The following STAT4 variants were observed in gnomAD, a reference collection of about 807,000 sequenced individuals.
STAT4 encodes signal transducer and activator of transcription 4.
STAT4 carries 42 observed loss-of-function variants against 110.5 expected under a neutral mutation model. That is an observed-to-expected ratio of 0.38 (90% CI 0.30 to 0.49). STAT4 has a LOEUF of 0.49. Ranked by LOEUF, STAT4 falls within the 20% of genes least tolerant of loss-of-function variation. The pLI is 0.95. For missense variants in STAT4, 632 were observed against 887.9 expected, an observed-to-expected ratio of 0.71 and a Z score of 3.66; for synonymous variants, 284 against 302.2, an observed-to-expected ratio of 0.94 and a Z score of 0.63.
In STAT4 at chr2:191,033,623, A is replaced by G; in HGVS notation, c.1719T>C (p.Tyr573=). 2 of 1,609,504 alleles carry G rather than the reference A, an allele frequency of 1.2e-6. No individual in the cohort carries two copies. The highest frequency in any genetic ancestry group is 1.7e-6 in the Non-Finnish European group (2 of 1,178,794). Residue 573 remains tyrosine, a synonymous_variant, in exon 20 of 24, where the codon TAT becomes TAC. Coordinates refer to ENST00000392320, the MANE Select transcript of STAT4 (RefSeq NM_003151.4). This position sits in a 1 kb window ranked among gnomAD's most constrained non-coding sequence, Gnocchi z 6.9. ...TCTCTTTGCTAACAAAGCCCATGACATACCTAAAAATAGAACATGCATTAT... is the reference window on the plus strand; with the variant it reads ...TCTCTTTGCTAACAAAGCCCATGACGTACCTAAAAATAGAACATGCATTAT... ...KHILPLWIDG[Y]VMGFVSKEKE...
chr2:191,142,409 G>A lies in STAT4; in HGVS notation c.273+4204C>T, dbSNP rs1423242360. ...ACTCATATGTGGGAGCTAAAGAAGTGGATCTCATGGAGGTAAAGAGTAGAA... is the reference window on the plus strand; with the variant it reads ...ACTCATATGTGGGAGCTAAAGAAGTAGATCTCATGGAGGTAAAGAGTAGAA... On this transcript the variant is annotated intron_variant, in intron 3 of 23. Transcript: ENST00000392320. This position sits in a 1 kb window ranked among gnomAD's most constrained non-coding sequence, Gnocchi z 4.1. Among the ~76,000 whole-genome samples the A allele has an allele frequency of 6.6e-6, 1 of 152,088 alleles. No homozygotes were observed. Among genetic ancestry groups the A allele is most frequent in the African/African-American group, 2.4e-5 (1 of 41,404 alleles).
At chr2:191,054,448 A>T in intron 14 of STAT4, 42 bp downstream of exon 14, 1 of 1,521,166 alleles carries the variant, frequency 6.6e-7, no homozygotes, top group Non-Finnish European at 9.0e-7. Context: ...ATATTATAAG[A>T]TCTGTTTCCA....
rs903553646 is a variant in STAT4 at position 191,130,649 on chromosome 2, C to T, written c.273+15964G>A. The stretch of plus-strand genomic sequence containing the variant: ...TGCTGGGGACCCGTATTTCTAAAAT[C>T]TAAGAATGCATGGAAGCCATCATGT... On this transcript the variant is annotated intron_variant, in intron 3 of 23. Transcript: ENST00000392320. Among the ~76,000 whole-genome samples the T allele has an allele frequency of 5.3e-5, 8 of 151,820 alleles. No individual in the cohort carries two copies. The East Asian group carries it at 1.5e-3, about 29-fold the overall frequency.
chr2:191,058,275 T>TATCATAGAAAGTTA lies in STAT4; in HGVS notation c.1095-57_1095-56insTAACTTTCTATGAT. 6.8e-7 allele frequency: 1 copy of TATCATAGAAAGTTA among 1,466,190 alleles called. No individual in the cohort carries two copies. 90.8% of individuals were successfully genotyped at this position (1,466,190 alleles called of 1,614,324 possible). Reference sequence around the variant, plus strand: ...GCTATTTAATAGATCTAGGAATAACTTTCTATGATAGTTTATTTTATTTAT... The same window carrying TATCATAGAAAGTTA: ...GCTATTTAATAGATCTAGGAATAACTATCATAGAAAGTTATTCTATGATAGTTTATTTTATTTAT... On this transcript the variant is annotated intron_variant, in intron 11 of 23. Coordinates refer to ENST00000392320, the MANE Select transcript of STAT4 (RefSeq NM_003151.4). The surrounding 1 kb of genome is among the most constrained non-coding windows in gnomAD (Gnocchi z 4.3).
At position 191,033,138 on chromosome 2, in the gene STAT4, AT is replaced by A; in HGVS notation, c.1863del (p.Arg621SerfsTer5). 6.2e-7 allele frequency: 1 copy of A among 1,612,874 alleles called. No individual in the cohort carries two copies. The highest frequency in any genetic ancestry group is 8.5e-7 in the Non-Finnish European group (1 of 1,179,622). On this transcript the variant is annotated frameshift_variant, in exon 21 of 24. Transcript: ENST00000392320. LOFTEE classifies it high-confidence loss of function. This position sits in a 1 kb window ranked among gnomAD's most constrained non-coding sequence, Gnocchi z 6.9. ...TTATTGTAGGGTTCTACAGAGTGGA[AT>A]CTCACTTCCCCTTGAAAAACAGAAA... ...WVDHSESGEV[R>X]FHSVEPYNKG...
At chr2:191,064,202 T>G (rs975253849) in intron 8 of STAT4, among the ~76,000 whole-genome samples, 1 of 152,252 alleles carries the variant, frequency 6.6e-6, no homozygotes, top group Admixed American at 6.5e-5. Flanking sequence ...TTTTGATGTA[T>G]GTAAACATTT....
intron 3 of STAT4, among the ~76,000 whole-genome samples, chr2:191,094,237 A>C (rs1032567330): frequency 1.3e-5 from 2 of 152,196 alleles, no homozygotes; most frequent in Non-Finnish European, 2.9e-5. Context: ...AAATACAGAG[A>C]ACGCCACAAA....
Position 191,059,678 on chromosome 2 carries a change from C to T in STAT4, c.1035-909G>A, listed in dbSNP as rs146263442. Among the ~76,000 whole-genome samples the T allele has an allele frequency of 3.1e-4, 47 of 152,258 alleles. No individual in the cohort carries two copies. The highest frequency in any genetic ancestry group is 1.1e-3 in the African/African-American group (45 of 41,546). ...CACAAATGGAAAACAGAGAATATGG[C>T]GATAAGCAGCTCACTGGCATTAGAG... On this transcript the variant is annotated intron_variant, in intron 10 of 23. Transcript: ENST00000392320. This position sits in a 1 kb window ranked among gnomAD's most constrained non-coding sequence, Gnocchi z 4.7.
At position 191,099,215 on chromosome 2, in the gene STAT4, C is replaced by A. The variant is rs1043726547; in HGVS notation, c.274-22890G>T. Among the ~76,000 whole-genome samples the A allele has an allele frequency of 6.6e-6, 1 of 152,168 alleles. No individual in the cohort carries two copies. Among genetic ancestry groups the A allele is most frequent in the South Asian group, 2.1e-4 (1 of 4,826 alleles). On this transcript the variant is annotated intron_variant, in intron 3 of 23. Transcript: ENST00000392320. The surrounding 1 kb of genome is among the most constrained non-coding windows in gnomAD (Gnocchi z 4.1). ...CAAAAATAAAAAAGAATGATAATAT[C>A]TATTGTTAATGAAGATATGGGGATG...
intron 3 of STAT4, among the ~76,000 whole-genome samples, chr2:191,078,780 T>C (rs1323719103): frequency 6.6e-6 from 1 of 152,154 alleles, no homozygotes; most frequent in African/African-American, 2.4e-5. Context: ...ATGGCTTATC[T>C]TTTTCCTATC....
chr2:191,095,280 A>G (rs1451647750), intron 3 of STAT4, among the ~76,000 whole-genome samples: 2 of 152,230 alleles, frequency 1.3e-5, no homozygotes, highest in African/African-American at 4.8e-5. Context: ...ACATCTACAG[A>G]ACTCTCCACC....
chr2:191,087,387 G>T (rs988418024), intron 3 of STAT4, among the ~76,000 whole-genome samples: 2 of 152,060 alleles, frequency 1.3e-5, no homozygotes, highest in African/African-American at 4.8e-5. Flanking sequence ...ATATTTCTTT[G>T]ATGTGTTTTA....
At chr2:191,118,111 T>C (rs1698619930) in intron 3 of STAT4, among the ~76,000 whole-genome samples, 1 of 152,224 alleles carries the variant, frequency 6.6e-6, no homozygotes, top group South Asian at 2.1e-4. Context: ...TTTTACGCAC[T>C]GCTGGTGGGA....
rs142125913 is a variant in STAT4 at position 191,062,865 on chromosome 2, C to T, written c.838G>A (p.Glu280Lys). Reference sequence around the variant, plus strand: ...TATGTCATTTTGGTAGATTGCTCCTCTAGTTTCTCCAATTGCCTTCTCAGT... The same window carrying T: ...TATGTCATTTTGGTAGATTGCTCCTTTAGTTTCTCCAATTGCCTTCTCAGT... ...FQLRRQLEKL[E>K]EQSTKMTYEG... Residue 280 changes from glutamate (E) to lysine (K), a missense_variant, in exon 9 of 24, where the codon GAG (glutamate) becomes AAG (lysine). Transcript: ENST00000392320. This position sits in a 1 kb window ranked among gnomAD's most constrained non-coding sequence, Gnocchi z 4.9. 3 of 1,613,792 alleles carry T rather than the reference C, an allele frequency of 1.9e-6. No individual in the cohort carries two copies. Among genetic ancestry groups the T allele is most frequent in the African/African-American group, 2.7e-5 (2 of 74,894 alleles).
chr2:191,066,753 G>T lies in STAT4; in HGVS notation c.545-238C>A, dbSNP rs1696999234. ...CTTCAGGAAAAACCATTCTGCACTGGGTGTTTTGTTTTGTTTTGTTTTGGT... is the reference window on the plus strand; with the variant it reads ...CTTCAGGAAAAACCATTCTGCACTGTGTGTTTTGTTTTGTTTTGTTTTGGT... On this transcript the variant is annotated intron_variant, in intron 6 of 23. Coordinates refer to ENST00000392320, the MANE Select transcript of STAT4 (RefSeq NM_003151.4). The surrounding 1 kb of genome is among the most constrained non-coding windows in gnomAD (Gnocchi z 4.3). Among the ~76,000 whole-genome samples the T allele has an allele frequency of 6.6e-6, 1 of 152,088 alleles. No individual in the cohort carries two copies. The highest frequency in any genetic ancestry group is 2.4e-5 in the African/African-American group (1 of 41,410).
intron 14 of STAT4, chr2:191,041,592 G>A (rs1696200039): frequency 6.6e-6 from 1 of 152,220 alleles, no homozygotes; most frequent in Admixed American, 6.5e-5. Flanking sequence ...GGTAGGTGGA[G>A]TACATGTATT....
At chr2:191,108,290 CA>C (rs67882536) in intron 3 of STAT4, among the ~76,000 whole-genome samples, 15,667 of 116,542 alleles carry the variant, frequency 0.13, 893 homozygotes, top group African/African-American at 0.21. Context: ...AACTCTATCT[CA>C]AAAAAAAAAA....
intron 3 of STAT4, among the ~76,000 whole-genome samples, chr2:191,127,247 C>T (rs1308496529): frequency 6.6e-6 from 1 of 152,042 alleles, no homozygotes; most frequent in Non-Finnish European, 1.5e-5. Flanking sequence ...CATATTGAAA[C>T]CTTTGATGGT....
Position 191,090,871 on chromosome 2 carries a change from G to T in STAT4, c.274-14546C>A, listed in dbSNP as rs143464908. Among the ~76,000 whole-genome samples, 2 of 152,060 alleles carry T rather than the reference G, an allele frequency of 1.3e-5. No individual in the cohort carries two copies. Among genetic ancestry groups the T allele is most frequent in the African/African-American group, 2.4e-5 (1 of 41,394 alleles). On this transcript the variant is annotated intron_variant, in intron 3 of 23. Transcript: ENST00000392320. The surrounding 1 kb of genome is among the most constrained non-coding windows in gnomAD (Gnocchi z 4.2). ...CTCCCAAAGTGCTAGGATTACAGGC[G>T]TGAGCCACCATACCCGGCCTTAAAC... is the stretch of plus-strand genomic sequence containing the variant.
Sources: gnomAD v4.1 joint callset for allele counts (sites outside exome capture counted in the v4.1 genomes callset) on GRCh38, gnomAD v4.1.1 for gene constraint, Gnocchi (gnomAD v3.1) non-coding constraint, MANE v1.5 for transcripts, NCBI Gene and HGNC (gene_info 2026-07-23, HGNC 2026-07-21) for gene names.